RBM38: variants seen among roughly 807,000 people sequenced by gnomAD.
The protein encoded by RBM38 is RNA-binding protein 38.
A neutral mutation model predicts 23.5 loss-of-function variants in RBM38; 11 were observed. That is an observed-to-expected ratio of 0.47 (90% CI 0.29 to 0.77). The LOEUF is 0.77. RBM38 is among the 30% of genes least tolerant of loss of function. The pLI, the probability that RBM38 is intolerant of heterozygous loss-of-function variation, is 0.08. For missense variants in RBM38, 330 were observed against 351.9 expected, an observed-to-expected ratio of 0.94 and a Z score of 0.50; for synonymous variants, 165 against 166.1, an observed-to-expected ratio of 0.99 and a Z score of 0.05.
At chr20:57,406,721 C>T (rs573323770) in intron 3 of RBM38, among the ~76,000 whole-genome samples, 4 of 152,204 alleles carry the variant, frequency 2.6e-5, no homozygotes, top group East Asian at 3.9e-4. Context: ...GGGCTGGGCA[C>T]GGTGGCTCAC....
At position 57,407,830 on chromosome 20, in the gene RBM38, C is replaced by A; in HGVS notation, c.704C>A (p.Pro235His). Residue 235 changes from proline to histidine, a missense_variant, in exon 4 of 4, where the codon CCT (proline) becomes CAT (histidine). Physicochemically the swap from Pro to His is moderately conservative, Grantham distance 77. Coordinates refer to ENST00000356208, the MANE Select transcript of RBM38 (RefSeq NM_017495.6). This position sits in a 1 kb window ranked among gnomAD's most constrained non-coding sequence, Gnocchi z 4.0. ...CAGTACCAGGCGCCGCAGCTGCAGC[C>A]TGACAGGATGCAGTGAGGGGCGTTC... ...FVQYQAPQLQ[P>H]DRMQ The A allele has an allele frequency of 6.4e-7, 1 of 1,572,764 alleles. No individual in the cohort carries two copies. The highest frequency in any genetic ancestry group is 8.6e-7 in the Non-Finnish European group (1 of 1,162,892).
At position 57,407,938 on chromosome 20, in the gene RBM38, C is replaced by A; in HGVS notation, c.*92C>A. ...ATGGGCTGGCGACAGCCCGGCTGAG[C>A]TTCAGTGAGGTGCCACCAGCACCCG... On this transcript the variant is annotated 3_prime_UTR_variant, in exon 4 of 4. Coordinates refer to ENST00000356208, the MANE Select transcript of RBM38 (RefSeq NM_017495.6). This position sits in a 1 kb window ranked among gnomAD's most constrained non-coding sequence, Gnocchi z 4.0. 1 of 1,447,572 alleles carries A rather than the reference C, an allele frequency of 6.9e-7. No individual in the cohort carries two copies. Among genetic ancestry groups the A allele is most frequent in the Non-Finnish European group, 9.2e-7 (1 of 1,088,670 alleles). The allele number at this position is 1,447,572 out of a possible 1,614,324, so 89.7% of individuals were successfully genotyped here.
chr20:57,408,867 G>T lies in RBM38; in HGVS notation c.*1021G>T, dbSNP rs1446981824. The T allele has an allele frequency of 6.5e-6, 1 of 152,734 alleles. No homozygotes were observed. Among genetic ancestry groups the T allele is most frequent in the Non-Finnish European group, 1.5e-5 (1 of 68,090 alleles). 9.5% of individuals were successfully genotyped at this position (152,734 alleles called of 1,614,324 possible). ...ACACTGTGGAAGGGGAGAAGGAAGT[G>T]ATCCACAGCATTCAGGCCACTTGGG... On this transcript the variant is annotated 3_prime_UTR_variant, in exon 4 of 4. Transcript: ENST00000356208.
chr20:57,400,651 C>G (rs2067318029), intron 3 of RBM38, among the ~76,000 whole-genome samples: 2 of 152,142 alleles, frequency 1.3e-5, no homozygotes, highest in South Asian at 4.1e-4. Context: ...TCTGTCCCAC[C>G]CATTCCTGTG....
chr20:57,392,047 C>CACCCCG (rs2067224060), intron 1 of RBM38, among the ~76,000 whole-genome samples: 1 of 139,356 alleles, frequency 7.2e-6, no homozygotes, highest in Non-Finnish European at 1.6e-5. Context: ...CCCCCACCCC[C>CACCCCG]GGTTTAAAAG....
At position 57,407,715 on chromosome 20, in the gene RBM38, G is replaced by T; in HGVS notation, c.589G>T (p.Ala197Ser). The T allele has an allele frequency of 1.2e-6, 2 of 1,611,762 alleles. No homozygotes were observed. The highest frequency in any genetic ancestry group is 1.7e-6 in the Non-Finnish European group (2 of 1,179,700). ...YDQYPYAASPATAASFVGYSY... is the reference protein window; with the variant it reads ...YDQYPYAASPSTAASFVGYSY... ...CCAGTACCCATACGCCGCCTCGCCTGCCACGGCTGCCAGCTTCGTGGGCTA... is the reference window on the plus strand; with the variant it reads ...CCAGTACCCATACGCCGCCTCGCCTTCCACGGCTGCCAGCTTCGTGGGCTA... Residue 197 changes from alanine (A) to serine (S), a missense_variant, in exon 4 of 4, where the codon GCC (alanine) becomes TCC (serine). Ala to Ser is a moderately conservative substitution (Grantham distance 99). This residue lies in a region of RBM38 where 227 missense variants were observed against 216.4 expected (regional missense o/e 1.05). Coordinates refer to ENST00000356208, the MANE Select transcript of RBM38 (RefSeq NM_017495.6). This position sits in a 1 kb window ranked among gnomAD's most constrained non-coding sequence, Gnocchi z 4.0.
chr20:57,395,061 C>T (rs1449989027), intron 3 of RBM38, among the ~76,000 whole-genome samples: 1 of 152,238 alleles, frequency 6.6e-6, no homozygotes, highest in African/African-American at 2.4e-5. Context: ...AAAACAGGAA[C>T]ATTAACTGCT....
chr20:57,406,069 G>A (rs150598220), intron 3 of RBM38, among the ~76,000 whole-genome samples: 351 of 152,334 alleles, frequency 2.3e-3, no homozygotes, highest in Non-Finnish European at 3.9e-3. Context: ...TGTGTAACAC[G>A]CAGGCGTGCA....
intron 3 of RBM38, among the ~76,000 whole-genome samples, chr20:57,397,271 G>C (rs928859427): frequency 6.6e-6 from 1 of 152,220 alleles, no homozygotes; most frequent in Non-Finnish European, 1.5e-5. Context: ...GATTACCTGT[G>C]CAAAACCGAG....
Position 57,391,706 on chromosome 20 carries a change from C to G in RBM38, c.125C>G (p.Pro42Arg), listed in dbSNP as rs759959668. Reference sequence around the variant, plus strand: ...ACCAAGATCTTCGTGGGCGGCCTGCCGTACCACACTACCGACGCCTCGCTC... The same window carrying G: ...ACCAAGATCTTCGTGGGCGGCCTGCGGTACCACACTACCGACGCCTCGCTC... Reference protein sequence around the residue: ...TFTKIFVGGLPYHTTDASLRK... With the variant: ...TFTKIFVGGLRYHTTDASLRK... Residue 42 changes from proline to arginine, a missense_variant, in exon 1 of 4, where the codon CCG (proline) becomes CGG (arginine). Around this residue, in one of 3 missense-constraint regions of RBM38, gnomAD observed 95 missense variants for 111.9 expected, o/e 0.85. Transcript: ENST00000356208. 23 of 1,527,334 alleles carry G rather than the reference C, an allele frequency of 1.5e-5. No homozygotes were observed. The highest frequency in any genetic ancestry group is 2.6e-5 in the East Asian group (1 of 38,220). The allele number at this position is 1,527,334 out of a possible 1,614,324, so 94.6% of individuals were successfully genotyped here. A position where few individuals can be genotyped will look rare whatever the true frequency, so the allele number is the denominator to read the frequency against.
intron 1 of RBM38, among the ~76,000 whole-genome samples, chr20:57,392,036 A>ACCCCCC (rs2067223667): frequency 5.5e-4 from 4 of 7,248 alleles, no homozygotes; most frequent in Non-Finnish European, 6.0e-4. Context: ...CCCCACCCCC[A>ACCCCCC]CCCCCACCCC....
chr20:57,407,991 G>T lies in RBM38; in HGVS notation c.*145G>T. On this transcript the variant is annotated 3_prime_UTR_variant, in exon 4 of 4. Coordinates refer to ENST00000356208, the MANE Select transcript of RBM38 (RefSeq NM_017495.6). This position sits in a 1 kb window ranked among gnomAD's most constrained non-coding sequence, Gnocchi z 4.0. Reference sequence around the variant, plus strand: ...CCTCCGAAGACCGCTCGGGCATTCCGCCTGCGCCCTGGGACAGCGGAGAGA... The same window carrying T: ...CCTCCGAAGACCGCTCGGGCATTCCTCCTGCGCCCTGGGACAGCGGAGAGA... 5.1e-6 allele frequency: 5 copies of T among 974,324 alleles called. No individual in the cohort carries two copies. The highest frequency in any genetic ancestry group is 5.4e-5 in the Admixed American group (2 of 37,298). The allele number at this position is 974,324 out of a possible 1,614,324, so 60.4% of individuals were successfully genotyped here. A position where few individuals can be genotyped will look rare whatever the true frequency, so the allele number is the denominator to read the frequency against.
chr20:57,394,772 C>T lies in RBM38; in HGVS notation c.416+1439C>T, dbSNP rs572711303. ...TGTTCCTTGTTTTCCAGAACCTTGG[C>T]TCCATTCCCCAGGCCCACAGCAGGC... On this transcript the variant is annotated intron_variant, in intron 3 of 3. Coordinates refer to ENST00000356208, the MANE Select transcript of RBM38 (RefSeq NM_017495.6). Among the ~76,000 whole-genome samples the T allele has an allele frequency of 2.5e-4, 38 of 152,306 alleles. 1 individual carries two copies. Among genetic ancestry groups the T allele is most frequent in the African/African-American group, 7.9e-4 (33 of 41,556 alleles).
chr20:57,397,844 G>T (rs8116567), intron 3 of RBM38, among the ~76,000 whole-genome samples: 1 of 152,176 alleles, frequency 6.6e-6, no homozygotes, highest in Non-Finnish European at 1.5e-5. Flanking sequence ...TTGTGCACTC[G>T]TGGGCCCACA....
In RBM38 at chr20:57,409,057, G is replaced by C. The variant is rs2067418640; in HGVS notation, c.*1211G>C. 1 of 152,812 alleles carries C rather than the reference G, an allele frequency of 6.5e-6. No homozygotes were observed. Among genetic ancestry groups the C allele is most frequent in the Non-Finnish European group, 1.5e-5 (1 of 68,200 alleles). 9.5% of individuals were successfully genotyped at this position (152,812 alleles called of 1,614,324 possible). ...CTGTCTTGGGGGTTGGTGGAGGGTGGAGGCAGTTCTGCCAGCCGTGGCAGG... is the reference window on the plus strand; with the variant it reads ...CTGTCTTGGGGGTTGGTGGAGGGTGCAGGCAGTTCTGCCAGCCGTGGCAGG... On this transcript the variant is annotated 3_prime_UTR_variant, in exon 4 of 4. Coordinates refer to ENST00000356208, the MANE Select transcript of RBM38 (RefSeq NM_017495.6).
chr20:57,407,471 G>A lies in RBM38; in HGVS notation c.417-72G>A. On this transcript the variant is annotated intron_variant, in intron 3 of 3. Coordinates refer to ENST00000356208, the MANE Select transcript of RBM38 (RefSeq NM_017495.6). This position sits in a 1 kb window ranked among gnomAD's most constrained non-coding sequence, Gnocchi z 4.0. ...CGGGGTGGGGGGCGGCACGCATCGTGTACCCCACTGTTCTCCCAGCTGTAT... is the reference window on the plus strand; with the variant it reads ...CGGGGTGGGGGGCGGCACGCATCGTATACCCCACTGTTCTCCCAGCTGTAT... 1 of 1,512,696 alleles carries A rather than the reference G, an allele frequency of 6.6e-7. No individual in the cohort carries two copies. Among genetic ancestry groups the A allele is most frequent in the Non-Finnish European group, 9.0e-7 (1 of 1,109,402 alleles). 93.7% of individuals were successfully genotyped at this position (1,512,696 alleles called of 1,614,324 possible).
In RBM38 at chr20:57,392,927, C is replaced by T. The variant is rs568712349; in HGVS notation, c.361+150C>T. On this transcript the variant is annotated intron_variant, in intron 2 of 3. Coordinates refer to ENST00000356208, the MANE Select transcript of RBM38 (RefSeq NM_017495.6). ...GAGCCGGCACAGGGCAGCCATCCCC[C>T]CCTCGAGGATCTAGACCCCTTCTCA... The T allele has an allele frequency of 1.0e-5, 11 of 1,085,274 alleles. 1 individual carries two copies. Among genetic ancestry groups the T allele is most frequent in the Middle Eastern group, 4.4e-4 (2 of 4,552 alleles). The allele number at this position is 1,085,274 out of a possible 1,614,324, so 67.2% of individuals were successfully genotyped here.
At chr20:57,395,833 G>A (rs1026645665) in intron 3 of RBM38, among the ~76,000 whole-genome samples, 36 of 152,332 alleles carry the variant, frequency 2.4e-4, no homozygotes, top group African/African-American at 8.2e-4. Flanking sequence ...ATCAGGCCCC[G>A]GGAGCACAGC....
intron 3 of RBM38, among the ~76,000 whole-genome samples, chr20:57,393,569 T>C (rs941777442): frequency 6.6e-6 from 1 of 152,308 alleles, no homozygotes; most frequent in East Asian, 1.9e-4. Context: ...CCCAGCTCCC[T>C]TCGCTAGGTG....
Sources: gnomAD v4.1 joint callset for allele counts (sites outside exome capture counted in the v4.1 genomes callset) on GRCh38, gnomAD v4.1.1 for gene constraint, gnomAD v4.1.1 regional missense constraint, Gnocchi (gnomAD v3.1) non-coding constraint, MANE v1.5 for transcripts, NCBI Gene and HGNC (gene_info 2026-07-23, HGNC 2026-07-21) for gene names.